Variants in RALGPS2 observed in about 807,000 individuals in gnomAD.
The protein encoded by RALGPS2 is ras-specific guanine nucleotide-releasing factor RalGPS2.
A neutral mutation model predicts 86.8 loss-of-function variants in RALGPS2; 43 were observed. The ratio of observed to expected loss-of-function variants is 0.50; its 90% CI spans 0.39 to 0.64. RALGPS2 has a LOEUF of 0.64. Ranked by LOEUF, RALGPS2 falls within the 30% of genes least tolerant of loss-of-function variation. RALGPS2 has a pLI of 0.00. For missense variants in RALGPS2, 536 were observed against 694.6 expected, an observed-to-expected ratio of 0.77 and a Z score of 2.57; for synonymous variants, 243 against 231.3, an observed-to-expected ratio of 1.05 and a Z score of -0.46.
intron 16 of RALGPS2, among the ~76,000 whole-genome samples, chr1:178,896,159 A>T (rs1019970574): frequency 1.3e-5 from 2 of 152,044 alleles, no homozygotes; most frequent in Non-Finnish European, 2.9e-5. Flanking sequence ...TATGATAAGG[A>T]TAGAGGCTTT....
intron 7 of RALGPS2, among the ~76,000 whole-genome samples, chr1:178,826,571 G>T (rs757667484): frequency 1.3e-5 from 2 of 152,150 alleles, no homozygotes; most frequent in African/African-American, 2.4e-5. Flanking sequence ...GGATTTGGGA[G>T]TTATTATTTA....
chr1:178,755,389 C>G (rs1188513097), intron 1 of RALGPS2, among the ~76,000 whole-genome samples: 1 of 152,090 alleles, frequency 6.6e-6, no homozygotes, highest in Non-Finnish European at 1.5e-5. Context: ...TCTTTGTGTC[C>G]ACAAATACCC....
At chr1:178,907,152 A>T (rs1468977137) in intron 19 of RALGPS2, among the ~76,000 whole-genome samples, 1 of 152,214 alleles carries the variant, frequency 6.6e-6, no homozygotes, top group Non-Finnish European at 1.5e-5. Flanking sequence ...TTGATAACAT[A>T]AGGTTGGGCA....
intron 1 of RALGPS2, among the ~76,000 whole-genome samples, chr1:178,730,881 A>G (rs1650306822): frequency 6.6e-6 from 1 of 151,498 alleles, no homozygotes; most frequent in Non-Finnish European, 1.5e-5. Context: ...TTGTATTTTT[A>G]GGAGAGACGG....
chr1:178,793,167 G>A lies in RALGPS2; in HGVS notation c.213+7560G>A, dbSNP rs144648253. Among the ~76,000 whole-genome samples the A allele has an allele frequency of 9.2e-5, 14 of 152,186 alleles. No homozygotes were observed. In the East Asian group the frequency reaches 2.7e-3, roughly 29 times the overall value. ...ATAAGAGCAAGGAGCCAGAAGACTT[G>A]TATTTTTGTTTCAGCTTTGCTATTT... is the stretch of plus-strand genomic sequence containing the variant. On this transcript the variant is annotated intron_variant, in intron 4 of 19. Transcript: ENST00000367635.
chr1:178,884,985 A>G (rs778662250), intron 11 of RALGPS2, 91 bp from the exon 12 acceptor site: 38 of 1,301,130 alleles, frequency 2.9e-5, no homozygotes, highest in Admixed American at 2.8e-4. Flanking sequence ...CATCAGTACT[A>G]TCTCAAAATT....
In RALGPS2 at chr1:178,808,075, G is replaced by A. The variant is rs1170111994; in HGVS notation, c.244G>A (p.Glu82Lys). The change falls in exon 5 of 20, where the codon GAA becomes AAA. Residue 82 changes from glutamate to lysine, a missense_variant. By Grantham distance (56) the Glu-to-Lys change is moderately conservative. This residue lies in a region of RALGPS2 where 184 missense variants were observed against 296.7 expected (regional missense o/e 0.62). Coordinates refer to ENST00000367635, the MANE Select transcript of RALGPS2 (RefSeq NM_152663.5). ...TTCAAGTTGTGGATGGAATAAAAAAGAAAAATATAGTTCTGCACCAAATGC... is the reference window on the plus strand; with the variant it reads ...TTCAAGTTGTGGATGGAATAAAAAAAAAAAATATAGTTCTGCACCAAATGC... ...ELSSCGWNKKEKYSSAPNAVA... is the reference protein window; with the variant it reads ...ELSSCGWNKKKKYSSAPNAVA... The A allele has an allele frequency of 6.2e-7, 1 of 1,610,832 alleles. No homozygotes were observed. Among genetic ancestry groups the A allele is most frequent in the East Asian group, 2.2e-5 (1 of 44,750 alleles).
chr1:178,857,984 T>G (rs1657708583), intron 8 of RALGPS2, among the ~76,000 whole-genome samples: 1 of 152,194 alleles, frequency 6.6e-6, no homozygotes, highest in African/African-American at 2.4e-5. Context: ...ATTATGCAAA[T>G]TTAAGATTAT....
At chr1:178,776,842 G>A (rs1250577689) in intron 2 of RALGPS2, 21 bp downstream of exon 2, 8 of 1,602,906 alleles carry the variant, frequency 5.0e-6, no homozygotes, top group South Asian at 1.1e-5. Context: ...TAAGAAGCTT[G>A]GGTGTAAAGT....
chr1:178,846,405 T>G (rs1656868167), intron 8 of RALGPS2, among the ~76,000 whole-genome samples: 1 of 152,226 alleles, frequency 6.6e-6, no homozygotes, highest in South Asian at 2.1e-4. Flanking sequence ...CAGTAAAGCA[T>G]CTTCACTGAT....
chr1:178,761,107 T>C (rs1652216413), intron 1 of RALGPS2, among the ~76,000 whole-genome samples: 2 of 152,026 alleles, frequency 1.3e-5, no homozygotes, highest in South Asian at 2.1e-4. Context: ...CCCAGGTAGC[T>C]GACATTACAG....
intron 16 of RALGPS2, among the ~76,000 whole-genome samples, chr1:178,894,897 A>C (rs1011249503): frequency 5.3e-5 from 8 of 152,066 alleles, no homozygotes; most frequent in Non-Finnish European, 1.0e-4. Context: ...TATCATGAAG[A>C]AGTATTTTAG....
At chr1:178,798,481 AGTGGTG>A (rs923718110) in intron 4 of RALGPS2, among the ~76,000 whole-genome samples, 19 of 152,326 alleles carry the variant, frequency 1.2e-4, no homozygotes, top group Non-Finnish European at 2.1e-4. Flanking sequence ...AAATACCATT[AGTGGTG>A]GTGGAAGTGC....
intron 1 of RALGPS2, among the ~76,000 whole-genome samples, chr1:178,764,639 T>C (rs1652407588): frequency 1.3e-5 from 2 of 152,344 alleles, no homozygotes; most frequent in African/African-American, 4.8e-5. Flanking sequence ...TCAGGACTTT[T>C]TGTAAGGCAG....
rs1655885998 is a variant in RALGPS2, at chr1:178,828,919, GTA to G, written c.481-4503_481-4502del. On this transcript the variant is annotated intron_variant, in intron 7 of 19. Coordinates refer to ENST00000367635, the MANE Select transcript of RALGPS2 (RefSeq NM_152663.5). Reference sequence around the variant, plus strand: ...TGTGATCCAGCAATCCCATTTCTGAGTATGTGTCCAGAGAAATTGAAATTGAT... The same window carrying G: ...TGTGATCCAGCAATCCCATTTCTGAGTGTGTCCAGAGAAATTGAAATTGAT... Among the ~76,000 whole-genome samples, 5 of 152,284 alleles carry G rather than the reference GTA, an allele frequency of 3.3e-5. No individual in the cohort carries two copies. The South Asian group carries it at 1.0e-3, about 32-fold the overall frequency.
intron 16 of RALGPS2, among the ~76,000 whole-genome samples, chr1:178,896,409 A>G (rs1397597506): frequency 6.6e-6 from 1 of 151,682 alleles, no homozygotes; most frequent in Non-Finnish European, 1.5e-5. Context: ...TGGTAGAGGG[A>G]GAGAGATTGA....
chr1:178,866,601 A>G (rs1658427949), intron 8 of RALGPS2, among the ~76,000 whole-genome samples: 2 of 152,142 alleles, frequency 1.3e-5, no homozygotes, highest in South Asian at 4.1e-4. Context: ...ATTTTCTACA[A>G]CCATTACCAA....
At chr1:178,757,689 T>C (rs1383271317) in intron 1 of RALGPS2, among the ~76,000 whole-genome samples, 2 of 152,206 alleles carry the variant, frequency 1.3e-5, no homozygotes, top group Non-Finnish European at 2.9e-5. Context: ...TGGATTCGGC[T>C]TGCTAGTCGT....
At chr1:178,904,119 T>C (rs1217576868) in intron 18 of RALGPS2, among the ~76,000 whole-genome samples, 2 of 152,194 alleles carry the variant, frequency 1.3e-5, no homozygotes, top group Non-Finnish European at 2.9e-5. Context: ...TGGAGCATTT[T>C]TTCATTTGTT....
Sources: allele counts gnomAD v4.1 joint callset (sites outside exome capture counted in the v4.1 genomes callset), GRCh38; gene constraint gnomAD v4.1.1; regional missense constraint gnomAD v4.1.1; transcripts MANE v1.5; gene names NCBI Gene and HGNC (gene_info 2026-07-23, HGNC 2026-07-21).